The following CBFA2T2 variants were observed in gnomAD, a reference collection of about 807,000 sequenced individuals.
CBFA2T2 encodes the protein CBFA2/RUNX1 partner transcriptional co-repressor 2, also known as protein CBFA2T2.
CBFA2T2 carries 11 observed loss-of-function variants against 62.2 expected under a neutral mutation model. The observed-to-expected ratio is 0.18, with a 90% CI of 0.11 to 0.29. The LOEUF (loss-of-function observed/expected upper bound fraction) is 0.29, where lower values mean the gene tolerates loss of function less well. Among genes scored for constraint, CBFA2T2 ranks in the 10% least tolerant of loss-of-function variants. The pLI is 1.00. For missense variants in CBFA2T2, 592 were observed against 774.1 expected (o/e 0.76, Z 2.79); for synonymous variants, 295 against 287.5 (o/e 1.03, Z -0.27).
intron 1 of CBFA2T2, among the ~76,000 whole-genome samples, chr20:33,495,645 C>A (rs1452325900): frequency 1.3e-5 from 2 of 151,982 alleles, no homozygotes; most frequent in Non-Finnish European, 2.9e-5. Context: ...GTGCTGAGAT[C>A]GTGCCACTGC....
At chr20:33,571,224 GTCAGTT>G (rs540374941) in intron 1 of CBFA2T2, among the ~76,000 whole-genome samples, 1 of 152,322 alleles carries the variant, frequency 6.6e-6, no homozygotes. Flanking sequence ...GTTTTTTGGA[GTCAGTT>G]TCAAACACTT....
At chr20:33,625,463 G>C (rs571263755) in intron 6 of CBFA2T2, among the ~76,000 whole-genome samples, 95 of 152,330 alleles carry the variant, frequency 6.2e-4, no homozygotes, top group Middle Eastern at 3.4e-3. Flanking sequence ...TTCAGCCTGG[G>C]TGACAGAGTG....
At chr20:33,517,497 T>C (rs1223393599) in intron 1 of CBFA2T2, among the ~76,000 whole-genome samples, 4 of 148,296 alleles carry the variant, frequency 2.7e-5, no homozygotes, top group East Asian at 2.1e-4. Flanking sequence ...TTGTCCAGAC[T>C]AAAGTGCAGT....
intron 1 of CBFA2T2, among the ~76,000 whole-genome samples, chr20:33,544,252 T>G (rs1436784079): frequency 1.3e-5 from 2 of 152,186 alleles, no homozygotes; most frequent in East Asian, 3.8e-4. Flanking sequence ...ACTTTTCAGC[T>G]TCAGCCACAC....
At chr20:33,584,061 C>T (rs1461292812) in intron 1 of CBFA2T2, among the ~76,000 whole-genome samples, 1 of 152,040 alleles carries the variant, frequency 6.6e-6, no homozygotes. Flanking sequence ...GATTCTCCTT[C>T]CTCAGCCTCC....
chr20:33,520,998 AC>A (rs879737323), intron 1 of CBFA2T2, among the ~76,000 whole-genome samples: 3 of 148,900 alleles, frequency 2.0e-5, no homozygotes, highest in Non-Finnish European at 4.4e-5. Flanking sequence ...ACACACACAC[AC>A]AATTTTCAGC....
chr20:33,494,263 ATATATATATATTTTTTTTT>A (rs2011174005), intron 1 of CBFA2T2, among the ~76,000 whole-genome samples: 1 of 69,218 alleles, frequency 1.4e-5, no homozygotes, highest in Non-Finnish European at 2.5e-5. Context: ...ATATATATAT[ATATATATATATTTTTTTTT>A]TTTTTTTTTT....
At chr20:33,638,222 G>A (rs552002481) in intron 9 of CBFA2T2, among the ~76,000 whole-genome samples, 4 of 152,002 alleles carry the variant, frequency 2.6e-5, no homozygotes, top group African/African-American at 4.8e-5. Context: ...TGATCCACCC[G>A]CCTTGGCCTC....
At chr20:33,597,884 T>G (rs1293489983) in intron 1 of CBFA2T2, among the ~76,000 whole-genome samples, 1 of 152,152 alleles carries the variant, frequency 6.6e-6, no homozygotes, top group East Asian at 1.9e-4. Flanking sequence ...TCTATTTTCC[T>G]TTAGCATCGG....
intron 3 of CBFA2T2, 69 bp from the exon 4 acceptor site, chr20:33,619,446 AAG>A: frequency 6.7e-6 from 5 of 751,086 alleles, no homozygotes; most frequent in Non-Finnish European, 8.3e-6. Context: ...AAAAAAAAAA[AAG>A]AAGAGTTTGG....
At chr20:33,545,020 C>CAGAAAAGAAT (rs1555833677) in intron 1 of CBFA2T2, among the ~76,000 whole-genome samples, 28 of 143,828 alleles carry the variant, frequency 1.9e-4, no homozygotes, top group African/African-American at 6.6e-4. Flanking sequence ...TAGAACAGAA[C>CAGAAAAGAAT]AGAATGCAAG....
intron 1 of CBFA2T2, among the ~76,000 whole-genome samples, chr20:33,602,957 G>A (rs2015195133): frequency 6.6e-6 from 1 of 152,180 alleles, no homozygotes; most frequent in Non-Finnish European, 1.5e-5. Flanking sequence ...TTATGGTCGG[G>A]TAGTGTATAC....
In CBFA2T2 at chr20:33,530,683, G is replaced by A. The variant is rs62209595; in HGVS notation, c.34+40382G>A. ...CCACCTCCACCTCCCAAAGTGCTGG[G>A]ATTACAGGCGTGAGCCACTGCACCA... On this transcript the variant is annotated intron_variant, in intron 1 of 10. Coordinates refer to ENST00000342704, the MANE Select transcript of CBFA2T2 (RefSeq NM_001032999.3). Among the ~76,000 whole-genome samples the A allele has an allele frequency of 4.8e-3, 725 of 152,198 alleles. 5 individuals carry two copies. Among genetic ancestry groups the A allele is most frequent in the Non-Finnish European group, 8.3e-3 (564 of 68,012 alleles).
intron 1 of CBFA2T2, among the ~76,000 whole-genome samples, chr20:33,509,535 G>A (rs1600910143): frequency 6.6e-6 from 1 of 151,494 alleles, no homozygotes; most frequent in East Asian, 2.0e-4. Flanking sequence ...TTCCTTATTT[G>A]AAAAGGTCCT....
At chr20:33,613,432 G>A (rs2015597500) in intron 3 of CBFA2T2, among the ~76,000 whole-genome samples, 1 of 152,206 alleles carries the variant, frequency 6.6e-6, no homozygotes, top group South Asian at 2.1e-4. Context: ...ACAGTCTGGA[G>A]GAACCCATCT....
intron 1 of CBFA2T2, among the ~76,000 whole-genome samples, chr20:33,553,286 GCA>G (rs1171053419): frequency 6.6e-6 from 1 of 152,184 alleles, no homozygotes; most frequent in Admixed American, 6.5e-5. Context: ...GTGCAATGGT[GCA>G]CAGTCTTGGC....
At chr20:33,534,620 G>GT (rs952513579) in intron 1 of CBFA2T2, among the ~76,000 whole-genome samples, 32 of 151,258 alleles carry the variant, frequency 2.1e-4, no homozygotes, top group Admixed American at 7.2e-4. Context: ...GCCTGTTGAG[G>GT]TTTTTTTTTA....
At chr20:33,579,945 G>C (rs2146912608) in intron 1 of CBFA2T2, among the ~76,000 whole-genome samples, 1 of 151,908 alleles carries the variant, frequency 6.6e-6, no homozygotes, top group Admixed American at 6.6e-5. Flanking sequence ...TTCCTGCATA[G>C]CTGGGATTAG....
At chr20:33,571,414 T>C (rs1009537922) in intron 1 of CBFA2T2, among the ~76,000 whole-genome samples, 2 of 152,246 alleles carry the variant, frequency 1.3e-5, no homozygotes, top group African/African-American at 4.8e-5. Context: ...TTTTGATGAT[T>C]ACTTTTAAAA....
Sources: allele counts gnomAD v4.1 joint callset (sites outside exome capture counted in the v4.1 genomes callset), GRCh38; gene constraint gnomAD v4.1.1; transcripts MANE v1.5; gene names NCBI Gene and HGNC (gene_info 2026-07-23, HGNC 2026-07-21).